Variants in CALN1 observed in about 807,000 individuals in gnomAD.
CALN1 encodes calcium-binding protein 8.
In CALN1, 17 loss-of-function variants were observed where a neutral mutation model predicts 30.6. The ratio of observed to expected loss-of-function variants is 0.56; its 90% CI spans 0.38 to 0.83. The LOEUF is 0.83. Ranked by LOEUF, CALN1 falls within the 40% of genes least tolerant of loss-of-function variation. The pLI is 0.00. For missense variants in CALN1, 291 were observed against 354.9 expected, an observed-to-expected ratio of 0.82 and a Z score of 1.45; for synonymous variants, 156 against 131.4, an observed-to-expected ratio of 1.19 and a Z score of -1.28.
At chr7:72,121,334 T>C (rs946136335) in intron 3 of CALN1, among the ~76,000 whole-genome samples, 3 of 144,126 alleles carry the variant, frequency 2.1e-5, no homozygotes, top group African/African-American at 7.6e-5. Context: ...TTAAATAATA[T>C]ATAAATTATA....
chr7:72,222,813 G>A (rs1165538889), intron 3 of CALN1, among the ~76,000 whole-genome samples: 2 of 152,140 alleles, frequency 1.3e-5, no homozygotes, highest in Admixed American at 6.5e-5. Flanking sequence ...TTAAGCCCAG[G>A]AGTTCAAGAC....
At chr7:72,302,739 C>T (rs570372959) in intron 2 of CALN1, among the ~76,000 whole-genome samples, 21 of 151,686 alleles carry the variant, frequency 1.4e-4, no homozygotes, top group African/African-American at 5.1e-4. Context: ...ACTAAAAATA[C>T]AAAAAATTAG....
At chr7:71,917,748 T>C (rs1794753890) in intron 5 of CALN1, among the ~76,000 whole-genome samples, 1 of 152,026 alleles carries the variant, frequency 6.6e-6, no homozygotes, top group Non-Finnish European at 1.5e-5. Context: ...TTCAATTACC[T>C]CCACCTGGTC....
intron 5 of CALN1, among the ~76,000 whole-genome samples, chr7:71,828,322 T>C (rs527724492): frequency 2.6e-4 from 39 of 152,260 alleles, no homozygotes; most frequent in South Asian, 1.5e-3. Flanking sequence ...GATAAGCCAA[T>C]TGGTGGCCCC....
At chr7:71,962,546 T>C (rs545944943) in intron 5 of CALN1, among the ~76,000 whole-genome samples, 9 of 152,354 alleles carry the variant, frequency 5.9e-5, no homozygotes, top group South Asian at 4.1e-4. Context: ...CTGGACTATA[T>C]AGAGAGTGAA....
In CALN1 at chr7:71,972,574, G is replaced by T. The variant is rs566211136; in HGVS notation, c.501+51083C>A. On this transcript the variant is annotated intron_variant, in intron 5 of 6. Transcript: ENST00000395275. ...TCCTCTTTTCCTTTGGTATTTTGTCGCAAGTGATAAATGATGTCAGACAAA... is the reference window on the plus strand; with the variant it reads ...TCCTCTTTTCCTTTGGTATTTTGTCTCAAGTGATAAATGATGTCAGACAAA... Among the ~76,000 whole-genome samples the T allele has an allele frequency of 2.6e-5, 4 of 152,118 alleles. No individual in the cohort carries two copies. The South Asian group carries it at 8.3e-4, about 31-fold the overall frequency.
chr7:71,991,055 G>C (rs527522721), intron 5 of CALN1, among the ~76,000 whole-genome samples: 10 of 150,692 alleles, frequency 6.6e-5, no homozygotes, highest in South Asian at 2.1e-4. Flanking sequence ...GTGAGGGGGG[G>C]GGTCGACAAA....
At chr7:72,094,244 C>A (rs1806066184) in intron 4 of CALN1, among the ~76,000 whole-genome samples, 1 of 151,848 alleles carries the variant, frequency 6.6e-6, no homozygotes, top group South Asian at 2.1e-4. Context: ...GATGAGGCTG[C>A]TCTTATTGAA....
intron 3 of CALN1, among the ~76,000 whole-genome samples, chr7:72,261,269 C>G (rs889382964): frequency 3.3e-5 from 5 of 152,114 alleles, no homozygotes; most frequent in Non-Finnish European, 5.9e-5. Flanking sequence ...GATCACGCCA[C>G]TGCATTCCAG....
chr7:72,017,534 G>A (rs1412893418), intron 5 of CALN1, among the ~76,000 whole-genome samples: 3 of 152,114 alleles, frequency 2.0e-5, no homozygotes, highest in African/African-American at 7.2e-5. Flanking sequence ...CTATTCTAAA[G>A]ACCAGCTTGC....
At chr7:72,176,414 G>T (rs1165491801) in intron 3 of CALN1, among the ~76,000 whole-genome samples, 1 of 152,174 alleles carries the variant, frequency 6.6e-6, no homozygotes, top group Non-Finnish European at 1.5e-5. Context: ...CCCAGTGTTG[G>T]AGGTGACGCC....
intron 4 of CALN1, among the ~76,000 whole-genome samples, chr7:72,056,346 T>C (rs113523028): frequency 6.6e-5 from 10 of 152,028 alleles, no homozygotes; most frequent in African/African-American, 2.2e-4. Flanking sequence ...AAAGTACTGA[T>C]GAAGGTTAAG....
intron 1 of CALN1, among the ~76,000 whole-genome samples, chr7:72,425,394 A>G (rs149696115): frequency 5.5e-4 from 83 of 152,286 alleles, no homozygotes; most frequent in African/African-American, 1.9e-3. Flanking sequence ...GATTACAGGC[A>G]TGAGCCACCA....
At chr7:72,402,110 C>T (rs1045613554) in intron 2 of CALN1, among the ~76,000 whole-genome samples, 1 of 152,172 alleles carries the variant, frequency 6.6e-6, no homozygotes, top group African/African-American at 2.4e-5. Context: ...TTTGTCATTT[C>T]CAGCTTTACA....
chr7:72,380,557 C>G (rs1480756272), intron 2 of CALN1, among the ~76,000 whole-genome samples: 1 of 152,168 alleles, frequency 6.6e-6, no homozygotes, highest in East Asian at 1.9e-4. Context: ...CATGACTTCT[C>G]ATTTACCTGG....
intron 6 of CALN1, among the ~76,000 whole-genome samples, chr7:71,791,061 G>A (rs1793353969): frequency 6.6e-6 from 1 of 152,072 alleles, no homozygotes; most frequent in African/African-American, 2.4e-5. Flanking sequence ...CCAAACTCCT[G>A]GTATTAATAC....
intron 2 of CALN1, among the ~76,000 whole-genome samples, chr7:72,373,474 T>TATACA (rs1037320231): frequency 2.0e-4 from 30 of 152,226 alleles, no homozygotes; most frequent in Non-Finnish European, 4.1e-4. Context: ...ATACTTTCAG[T>TATACA]ACCCATACAA....
At chr7:72,119,120 CAA>C (rs1294495194) in intron 3 of CALN1, among the ~76,000 whole-genome samples, 3 of 152,136 alleles carry the variant, frequency 2.0e-5, no homozygotes, top group Non-Finnish European at 4.4e-5. Context: ...TGGGTATTTT[CAA>C]AGTCTCTATT....
intron 6 of CALN1, among the ~76,000 whole-genome samples, chr7:71,793,531 T>C (rs908028159): frequency 6.6e-6 from 1 of 152,122 alleles, no homozygotes; most frequent in African/African-American, 2.4e-5. Context: ...AGCAAGCAAA[T>C]TTCCCTAGGC....
Sources: gnomAD v4.1 joint callset for allele counts (sites outside exome capture counted in the v4.1 genomes callset) on GRCh38, gnomAD v4.1.1 for gene constraint, MANE v1.5 for transcripts, NCBI Gene and HGNC (gene_info 2026-07-23, HGNC 2026-07-21) for gene names.